The following FAM186B variants were observed in gnomAD, a reference collection of about 807,000 sequenced individuals.
FAM186B encodes protein FAM186B.
FAM186B carries 68 observed loss-of-function variants against 83.4 expected under a neutral mutation model. The observed-to-expected ratio is 0.81, with a 90% confidence interval of 0.67 to 1.00. The LOEUF is 1.00. Among genes scored for constraint, FAM186B ranks in the 50% least tolerant of loss-of-function variants. The probability of loss-of-function intolerance (pLI) is 0.00; values close to 1 mark genes in which losing one functional copy is unlikely to be tolerated. For missense variants in FAM186B, 983 were observed against 1,099.2 expected (o/e 0.89, Z 1.49); for synonymous variants, 389 against 422.0 (o/e 0.92, Z 0.96).
In FAM186B at chr12:49,593,643, A is replaced by AAAAAAAG. The variant is rs61115320; in HGVS notation, c.2365-5021_2365-5020insCTTTTTT. 8.1e-4 allele frequency among the ~76,000 whole-genome samples: 122 copies of AAAAAAAG among 150,270 alleles called. 1 individual carries two copies. The highest frequency in any genetic ancestry group is 2.4e-3 in the African/African-American group (97 of 40,480). On this transcript the variant is annotated intron_variant, in intron 5 of 6. Coordinates refer to ENST00000257894, the MANE Select transcript of FAM186B (RefSeq NM_032130.3). ...GCAAGACTCCATCTCAAAAAAAAAAAAAAGAAAAGAAAGAGGGCCATTTCA... is the reference window on the plus strand; with the variant it reads ...GCAAGACTCCATCTCAAAAAAAAAAAAAAAAAGAAAGAAAAGAAAGAGGGCCATTTCA...
chr12:49,587,694 C>T lies in FAM186B; in HGVS notation c.2593G>A (p.Ala865Thr), dbSNP rs771427390. ...CTGGCAGGGGTCTTTTTTTCTATTG[C>T]GTAACTGGAGGAGGCCACCTCGGTC... ...WKTEVASSSY[A>T]IEKKTPASLP... The change falls in exon 7 of 7, where the codon GCA becomes ACA. Residue 865 changes from alanine to threonine, a missense_variant. Physicochemically the swap from Ala to Thr is moderately conservative, Grantham distance 58. Coordinates refer to ENST00000257894, the MANE Select transcript of FAM186B (RefSeq NM_032130.3). The T allele has an allele frequency of 1.2e-5, 20 of 1,613,928 alleles. No homozygotes were observed. The highest frequency in any genetic ancestry group is 5.0e-5 in the Admixed American group (3 of 59,986).
the FAM186B span, among the ~76,000 whole-genome samples, chr12:49,610,716 G>T: frequency 6.6e-6 from 1 of 151,808 alleles, no homozygotes; most frequent in East Asian, 1.9e-4. Context: ...CGTGAACGCG[G>T]GAGGCAGAGC....
downstream of FAM186B, chr12:49,583,305 C>T (rs1939374754): frequency 6.0e-6 from 2 of 332,658 alleles, no homozygotes; most frequent in South Asian, 4.9e-5. Context: ...TGAGATGTCA[C>T]TCACAGCTAA....
chr12:49,621,307 C>T, the FAM186B span, among the ~76,000 whole-genome samples: 1 of 152,116 alleles, frequency 6.6e-6, no homozygotes, highest in Non-Finnish European at 1.5e-5. Context: ...AGCTTGAACC[C>T]GGGTGGTAGA....
the FAM186B span, among the ~76,000 whole-genome samples, chr12:49,621,837 G>A: frequency 2.0e-5 from 3 of 152,280 alleles, no homozygotes; most frequent in South Asian, 4.2e-4. Flanking sequence ...TGTGGGGAGG[G>A]CTGCAGCTGG....
chr12:49,599,379 T>C (rs1939809424), intron 4 of FAM186B, 90 bp downstream of exon 4: 1 of 1,445,198 alleles, frequency 6.9e-7, no homozygotes, highest in Admixed American at 2.9e-5. Context: ...CCATCCCCCC[T>C]TGCCCTGTGT....
chr12:49,608,707 T>C (rs918086511), upstream of FAM186B, among the ~76,000 whole-genome samples: 1 of 151,454 alleles, frequency 6.6e-6, no homozygotes, highest in Non-Finnish European at 1.5e-5. Context: ...GTGATGGCAT[T>C]TGGCTCATAA....
intron 5 of FAM186B, among the ~76,000 whole-genome samples, chr12:49,589,978 C>CAAAAAAA (rs57724815): frequency 1.6e-5 from 1 of 60,666 alleles, no homozygotes. Context: ...ACTCTGTCTC[C>CAAAAAAA]AAAAAAAAAA....
rs1179500261 is a variant in FAM186B, at chr12:49,600,726, T to C, written c.914A>G (p.His305Arg). ...KQVEILGGRY[H>R]DLLLMKQALE... The stretch of plus-strand genomic sequence containing the variant: ...GGCCTGCTTCATCAGGAGAAGGTCA[T>C]GGTACCTTCCCCCTAAGATCTCTAC... Residue 305 changes from histidine to arginine, a missense_variant, in exon 4 of 7, where the codon CAT (histidine) becomes CGT (arginine). His to Arg is a conservative substitution (Grantham distance 29, BLOSUM62 0). Coordinates refer to ENST00000257894, the MANE Select transcript of FAM186B (RefSeq NM_032130.3). The surrounding 1 kb of genome is among the most constrained non-coding windows in gnomAD (Gnocchi z 4.3). The C allele has an allele frequency of 2.5e-6, 4 of 1,614,056 alleles. No homozygotes were observed. The East Asian group carries it at 6.7e-5, about 27-fold the overall frequency.
intron 5 of FAM186B, among the ~76,000 whole-genome samples, chr12:49,592,764 A>G (rs935345311): frequency 2.0e-5 from 3 of 152,158 alleles, no homozygotes; most frequent in African/African-American, 7.2e-5. Context: ...CCAGCTTAGG[A>G]GAGAGAGAAA....
chr12:49,587,292 C>G (rs1411611616), downstream of FAM186B, among the ~76,000 whole-genome samples: 1 of 152,136 alleles, frequency 6.6e-6, no homozygotes, highest in Non-Finnish European at 1.5e-5. Context: ...AGAACCACCC[C>G]CAAGGCTAGG....
chr12:49,618,053 A>C, the FAM186B span, among the ~76,000 whole-genome samples: 1 of 152,280 alleles, frequency 6.6e-6, no homozygotes, highest in Non-Finnish European at 1.5e-5. Flanking sequence ...CTGTGCAAAG[A>C]AGCTCATGAC....
chr12:49,587,761 G>T lies in FAM186B; in HGVS notation c.2535-9C>A. ...TCTGCTTCCCCTGTTGGCTGGGAGT[G>T]GGGAGTTTGGAGAATGTGAAAAGCA... On this transcript the variant is annotated splice_polypyrimidine_tract_variant and intron_variant, in intron 6 of 6. Coordinates refer to ENST00000257894, the MANE Select transcript of FAM186B (RefSeq NM_032130.3). 6.2e-7 allele frequency: 1 copy of T among 1,608,332 alleles called. No homozygotes were observed. Among genetic ancestry groups the T allele is most frequent in the East Asian group, 2.2e-5 (1 of 44,862 alleles).
intron 6 of FAM186B, 23 bp downstream of exon 6, chr12:49,588,431 C>T (rs373146376): frequency 2.5e-6 from 4 of 1,595,988 alleles, no homozygotes; most frequent in Non-Finnish European, 2.6e-6. Flanking sequence ...CAGCTGCTGC[C>T]CCCTCAGCTT....
intron 5 of FAM186B, among the ~76,000 whole-genome samples, chr12:49,597,169 G>A (rs1939746869): frequency 6.6e-6 from 1 of 152,158 alleles, no homozygotes; most frequent in Non-Finnish European, 1.5e-5. Context: ...GTTTGTGGAA[G>A]TATACCCTGT....
rs767258190 is a variant in FAM186B, at chr12:49,600,443, C to T, written c.1197G>A (p.Ser399=). The change falls in exon 4 of 7, where the codon TCG becomes TCA. Residue 399 remains serine (S), a synonymous_variant. Transcript: ENST00000257894. The surrounding 1 kb of genome is among the most constrained non-coding windows in gnomAD (Gnocchi z 4.3). Reference sequence around the variant, plus strand: ...TGCTGCCGAACACATCTGCGACCCTCGAGCGCACAGTCATGGTGGAAAGTG... The same window carrying T: ...TGCTGCCGAACACATCTGCGACCCTTGAGCGCACAGTCATGGTGGAAAGTG... ...HQPLSTMTVR[S]RVADVFGSKD... is the part of the protein sequence containing the mutation. 1.7e-5 allele frequency: 28 copies of T among 1,613,114 alleles called. No individual in the cohort carries two copies. The highest frequency in any genetic ancestry group is 2.7e-5 in the African/African-American group (2 of 74,928).
At chr12:49,615,202 A>G in the FAM186B span, among the ~76,000 whole-genome samples, 1 of 152,164 alleles carries the variant, frequency 6.6e-6, no homozygotes, top group African/African-American at 2.4e-5. Flanking sequence ...AATCTCAGAA[A>G]TCACCACTAA....
In FAM186B at chr12:49,597,970, G is replaced by C. The variant is rs947296280; in HGVS notation, c.2364+785C>G. Among the ~76,000 whole-genome samples the C allele has an allele frequency of 1.9e-4, 29 of 152,222 alleles. 1 individual carries two copies. The highest frequency in any genetic ancestry group is 1.7e-3 in the Admixed American group (26 of 15,282). On this transcript the variant is annotated intron_variant, in intron 5 of 6. Coordinates refer to ENST00000257894, the MANE Select transcript of FAM186B (RefSeq NM_032130.3). ...AGCTACTCGGGAGACTGAGGCAGGA[G>C]AATAGCTTGAACCTGGGAGGTGGAG...
At chr12:49,612,132 A>C in the FAM186B span, among the ~76,000 whole-genome samples, 1 of 152,156 alleles carries the variant, frequency 6.6e-6, no homozygotes, top group Non-Finnish European at 1.5e-5. Flanking sequence ...AATCTCACAT[A>C]TCAATATTAA....
Sources: gnomAD v4.1 joint callset for allele counts (sites outside exome capture counted in the v4.1 genomes callset) on GRCh38, gnomAD v4.1.1 for gene constraint, Gnocchi (gnomAD v3.1) non-coding constraint, MANE v1.5 for transcripts, NCBI Gene and HGNC (gene_info 2026-07-23, HGNC 2026-07-21) for gene names.